NDUFA10: variants seen among roughly 807,000 people sequenced by gnomAD.
NDUFA10 encodes the protein NADH:ubiquinone oxidoreductase subunit A10.
A neutral mutation model predicts 47.8 loss-of-function variants in NDUFA10; 40 were observed. The observed-to-expected ratio is 0.84, with a 90% CI of 0.65 to 1.09. The LOEUF is 1.09. Ranked by LOEUF, NDUFA10 falls within the 50% of genes least tolerant of loss-of-function variation. The pLI is 0.00. For missense variants in NDUFA10, 413 were observed against 451.1 expected (o/e 0.92, Z 0.76); for synonymous variants, 183 against 172.2 (o/e 1.06, Z -0.49).
intron 4 of NDUFA10, among the ~76,000 whole-genome samples, chr2:239,903,860 A>G (rs1693598049): frequency 6.6e-6 from 1 of 152,206 alleles, no homozygotes; most frequent in Non-Finnish European, 1.5e-5. Flanking sequence ...GGGGTAGAGA[A>G]GGTCCCACAG....
chr2:239,991,445 C>G (rs1375972372), intron 8 of NDUFA10, among the ~76,000 whole-genome samples: 2 of 152,084 alleles, frequency 1.3e-5, no homozygotes, highest in Non-Finnish European at 2.9e-5. Flanking sequence ...CAGATAAGAT[C>G]GTTTTCTTAG....
intron 9 of NDUFA10, among the ~76,000 whole-genome samples, chr2:239,981,055 C>T (rs898191000): frequency 6.6e-6 from 1 of 152,260 alleles, no homozygotes; most frequent in African/African-American, 2.4e-5. Context: ...CCCTGCTCCT[C>T]AGGAATCTGA....
chr2:239,959,984 G>A lies in NDUFA10; in HGVS notation c.*1134C>T. The stretch of plus-strand genomic sequence containing the variant: ...CCTCTGCACCAGCACTGGAACTACT[G>A]CCCACAGGCGGCTGTGGAGTGCCTG... On this transcript the variant is annotated 3_prime_UTR_variant, in exon 10 of 10. Coordinates refer to ENST00000252711, the MANE Select transcript of NDUFA10 (RefSeq NM_004544.4). 1 of 985,358 alleles carries A rather than the reference G, an allele frequency of 1.0e-6. No individual in the cohort carries two copies. Among genetic ancestry groups the A allele is most frequent in the Non-Finnish European group, 1.2e-6 (1 of 829,836 alleles). 61.0% of individuals were successfully genotyped at this position (985,358 alleles called of 1,614,324 possible). A position where few individuals can be genotyped will look rare whatever the true frequency, so the allele number is the denominator to read the frequency against.
At chr2:239,967,424 CA>C (rs1695121803) in intron 9 of NDUFA10, among the ~76,000 whole-genome samples, 4 of 152,332 alleles carry the variant, frequency 2.6e-5, no homozygotes, top group Non-Finnish European at 5.9e-5. Flanking sequence ...TTTCACACAG[CA>C]CAGAGCTGAG....
intron 4 of NDUFA10, among the ~76,000 whole-genome samples, chr2:239,942,465 G>T (rs1016965799): frequency 1.3e-5 from 2 of 152,246 alleles, no homozygotes; most frequent in Admixed American, 6.5e-5. Flanking sequence ...GTTGCTGTTT[G>T]AAATGTATTG....
rs369477459 is a variant in NDUFA10 at position 239,899,074 on chromosome 2, A to G, written c.295-3760T>C. On this transcript the variant is annotated intron_variant, in intron 4 of 5. Transcript: ENST00000419408. ...TGGAGGAGTGTGATGGAGGGGTGTG[A>G]TGGAGGAGTGTGGAGGGGTGTGGTG... 6.0e-4 allele frequency among the ~76,000 whole-genome samples: 9 copies of G among 15,120 alleles called. 2 individuals are homozygous for G. The highest frequency in any genetic ancestry group is 5.0e-3 in the East Asian group (3 of 602). The allele number at this position is 15,120 out of a possible 152,430, so 9.9% of individuals were successfully genotyped here.
intron 8 of NDUFA10, among the ~76,000 whole-genome samples, chr2:239,995,277 A>C (rs1238227261): frequency 3.3e-5 from 5 of 152,084 alleles, no homozygotes; most frequent in African/African-American, 1.2e-4. Flanking sequence ...CCCTGTCTCA[A>C]AGAAAAAAAA....
chr2:239,899,436 AATG>A (rs1693496725), intron 4 of NDUFA10, among the ~76,000 whole-genome samples: 3 of 51,772 alleles, frequency 5.8e-5, no homozygotes, highest in South Asian at 8.4e-4. Context: ...GTGATGGAGG[AATG>A]TGGAGGGTTG....
rs1163253272 is a variant in NDUFA10 at position 239,960,731 on chromosome 2, T to G, written c.*387A>C. On this transcript the variant is annotated 3_prime_UTR_variant, in exon 10 of 10. Transcript: ENST00000252711. ...TGCCCGCACGCACATAGACGTACGA[T>G]GGGGAAATTCCCATGGAAACACTTT... 8.4e-7 allele frequency: 1 copy of G among 1,188,318 alleles called. No homozygotes were observed. Among genetic ancestry groups the G allele is most frequent in the African/African-American group, 1.6e-5 (1 of 62,952 alleles). The allele number at this position is 1,188,318 out of a possible 1,614,324, so 73.6% of individuals were successfully genotyped here.
At chr2:239,913,928 T>C (rs11895216) in intron 4 of NDUFA10, among the ~76,000 whole-genome samples, 28,645 of 152,050 alleles carry the variant, frequency 0.19, 3,172 homozygotes, top group African/African-American at 0.3. Flanking sequence ...GCCTCTTCAG[T>C]TTCTCCCACT....
chr2:239,957,761 G>C lies in NDUFA10; in HGVS notation c.*3357C>G, dbSNP rs1376063140. 1.3e-5 allele frequency: 2 copies of C among 152,156 alleles called. No individual in the cohort carries two copies. The highest frequency in any genetic ancestry group is 3.9e-4 in the East Asian group (2 of 5,180). The allele number at this position is 152,156 out of a possible 1,614,324, so 9.4% of individuals were successfully genotyped here. ...TCTTTTGGGGACAAGTCCATCACTG[G>C]AGCTCCCCGGCCTCCTGGAATTCAG... On this transcript the variant is annotated 3_prime_UTR_variant, in exon 10 of 10. Transcript: ENST00000252711.
At chr2:239,973,889 C>T (rs1016897996) in intron 9 of NDUFA10, among the ~76,000 whole-genome samples, 2 of 152,164 alleles carry the variant, frequency 1.3e-5, no homozygotes, top group Admixed American at 6.5e-5. Flanking sequence ...CCCAGGTACA[C>T]ATGCCCCACT....
At chr2:239,955,479 G>A (rs534493384), downstream of NDUFA10, among the ~76,000 whole-genome samples, 5 of 152,304 alleles carry the variant, frequency 3.3e-5, no homozygotes, top group South Asian at 1.0e-3. Context: ...ACTTTCAGGA[G>A]CTGATGCAGA....
At chr2:239,984,788 C>T (rs1358619449) in intron 9 of NDUFA10, among the ~76,000 whole-genome samples, 2 of 152,256 alleles carry the variant, frequency 1.3e-5, no homozygotes, top group South Asian at 4.1e-4. Flanking sequence ...TGCACGTTCC[C>T]GTCCCTGAGG....
At chr2:239,966,428 C>T (rs1487360577) in intron 9 of NDUFA10, among the ~76,000 whole-genome samples, 1 of 152,186 alleles carries the variant, frequency 6.6e-6, no homozygotes, top group Non-Finnish European at 1.5e-5. Context: ...TGCAGCCCAG[C>T]CTGCTTGGGG....
At chr2:239,946,329 G>T (rs922939647) in intron 4 of NDUFA10, among the ~76,000 whole-genome samples, 2 of 152,192 alleles carry the variant, frequency 1.3e-5, no homozygotes, top group Non-Finnish European at 2.9e-5. Context: ...TGATGAGCTG[G>T]GAGGGTTTCC....
intron 9 of NDUFA10, among the ~76,000 whole-genome samples, chr2:239,975,882 GTA>G (rs1156929811): frequency 6.6e-6 from 1 of 152,110 alleles, no homozygotes; most frequent in Non-Finnish European, 1.5e-5. Flanking sequence ...CGTCGGTTCT[GTA>G]TCTCTCGCTG....
intron 4 of NDUFA10, among the ~76,000 whole-genome samples, chr2:239,934,753 T>G (rs1694236580): frequency 6.6e-6 from 1 of 152,246 alleles, no homozygotes; most frequent in South Asian, 2.1e-4. Context: ...GCGTTCTCAC[T>G]GTGACCTCCG....
intron 9 of NDUFA10, among the ~76,000 whole-genome samples, chr2:239,978,815 A>C (rs1695643291): frequency 6.6e-6 from 1 of 152,236 alleles, no homozygotes; most frequent in Non-Finnish European, 1.5e-5. Context: ...AGGTCTATTG[A>C]AATAGGTGTG....
Sources: gnomAD v4.1 joint callset for allele counts (sites outside exome capture counted in the v4.1 genomes callset) on GRCh38, gnomAD v4.1.1 for gene constraint, MANE v1.5 for transcripts, NCBI Gene and HGNC (gene_info 2026-07-23, HGNC 2026-07-21) for gene names.